COL21A1: variants seen among roughly 807,000 people sequenced by gnomAD.
The protein encoded by COL21A1 is collagen alpha-1(XXI) chain.
COL21A1 carries 149 observed loss-of-function variants against 137.9 expected under a neutral mutation model. The observed-to-expected ratio is 1.08, with a 90% CI of 0.95 to 1.24. The LOEUF is 1.24. Ranked by LOEUF, COL21A1 falls within the 50% of genes most tolerant of loss-of-function variation. The pLI, the probability that COL21A1 is intolerant of heterozygous loss-of-function variation, is 0.00. For synonymous variants in COL21A1, 456 were observed against 391.5 expected (o/e 1.16, Z -1.95); for missense variants, 1,167 against 1,158.4 (o/e 1.01, Z -0.11).
intron 1 of COL21A1, among the ~76,000 whole-genome samples, chr6:56,232,619 C>T (rs1454509700): frequency 6.6e-6 from 1 of 151,944 alleles, no homozygotes; most frequent in East Asian, 1.9e-4. Context: ...CACTGGACTT[C>T]GTTCATCCTG....
chr6:56,332,588 G>A (rs577920304), intron 1 of COL21A1, among the ~76,000 whole-genome samples: 83 of 136,816 alleles, frequency 6.1e-4, no homozygotes, highest in Middle Eastern at 7.1e-3. Flanking sequence ...TAGCCCCCCC[G>A]CCCCCGCCAA....
intron 1 of COL21A1, among the ~76,000 whole-genome samples, chr6:56,374,100 C>T (rs1425260064): frequency 6.6e-6 from 1 of 152,146 alleles, no homozygotes; most frequent in East Asian, 1.9e-4. Context: ...GTCACATGCT[C>T]ACTTCTACCC....
At chr6:56,201,053 A>T (rs1178163640) in intron 1 of COL21A1, among the ~76,000 whole-genome samples, 1 of 152,122 alleles carries the variant, frequency 6.6e-6, no homozygotes, top group East Asian at 1.9e-4. Flanking sequence ...TCTGATGGCC[A>T]GTGATGATGA....
chr6:56,331,637 G>T (rs929959149), intron 1 of COL21A1, among the ~76,000 whole-genome samples: 3 of 151,864 alleles, frequency 2.0e-5, no homozygotes, highest in Non-Finnish European at 4.4e-5. Context: ...ATTTATCTAT[G>T]TGTCTATTTT....
chr6:56,331,473 T>C (rs922733196), intron 1 of COL21A1, among the ~76,000 whole-genome samples: 2 of 152,006 alleles, frequency 1.3e-5, no homozygotes, highest in Non-Finnish European at 2.9e-5. Context: ...AAGATGGGGG[T>C]CCAGTTTCAC....
At chr6:56,217,364 T>A (rs1780551757) in intron 1 of COL21A1, among the ~76,000 whole-genome samples, 1 of 151,968 alleles carries the variant, frequency 6.6e-6, no homozygotes, top group African/African-American at 2.4e-5. Flanking sequence ...CAGAACTCCA[T>A]CCCAAATGTG....
At chr6:56,153,299 A>G (rs1187718732) in intron 10 of COL21A1, among the ~76,000 whole-genome samples, 1 of 152,128 alleles carries the variant, frequency 6.6e-6, no homozygotes, top group Non-Finnish European at 1.5e-5. Flanking sequence ...TCTGTCTCAT[A>G]TAAAGATTTA....
intron 1 of COL21A1, among the ~76,000 whole-genome samples, chr6:56,217,077 G>T (rs1319618771): frequency 6.6e-6 from 1 of 152,036 alleles, no homozygotes; most frequent in Non-Finnish European, 1.5e-5. Flanking sequence ...AAGGTGTAGA[G>T]TTTGGGTACT....
chr6:56,288,045 G>C (rs1763955398), intron 1 of COL21A1, among the ~76,000 whole-genome samples: 1 of 152,138 alleles, frequency 6.6e-6, no homozygotes, highest in Admixed American at 6.5e-5. Flanking sequence ...CCGTGAGTGA[G>C]TTCTAATCTA....
intron 1 of COL21A1, among the ~76,000 whole-genome samples, chr6:56,267,923 C>T (rs1233456899): frequency 5.3e-5 from 8 of 152,018 alleles, no homozygotes; most frequent in African/African-American, 1.7e-4. Context: ...TTGAGCAGAC[C>T]TGAGAGCACA....
At chr6:56,346,989 C>T (rs1765611402) in intron 1 of COL21A1, among the ~76,000 whole-genome samples, 1 of 152,186 alleles carries the variant, frequency 6.6e-6, no homozygotes, top group Non-Finnish European at 1.5e-5. Flanking sequence ...GAGGCCCCTG[C>T]ACTCAGCAGT....
chr6:56,307,992 G>T (rs1476185447), intron 1 of COL21A1, among the ~76,000 whole-genome samples: 1 of 152,190 alleles, frequency 6.6e-6, no homozygotes, highest in African/African-American at 2.4e-5. Flanking sequence ...ACAATGAGAT[G>T]CTGTTAATCC....
At chr6:56,244,630 C>G (rs1046188401) in intron 1 of COL21A1, among the ~76,000 whole-genome samples, 7 of 152,138 alleles carry the variant, frequency 4.6e-5, no homozygotes, top group Non-Finnish European at 1.0e-4. Context: ...GGAGGACTTA[C>G]TAAAGTGCTT....
At chr6:56,373,636 A>G (rs2093994089) in intron 1 of COL21A1, among the ~76,000 whole-genome samples, 1 of 152,196 alleles carries the variant, frequency 6.6e-6, no homozygotes, top group Non-Finnish European at 1.5e-5. Flanking sequence ...TAACTGACAT[A>G]TAAAATTGTA....
intron 1 of COL21A1, among the ~76,000 whole-genome samples, chr6:56,275,696 TG>T (rs1032989505): frequency 2.0e-4 from 30 of 150,148 alleles, no homozygotes; most frequent in African/African-American, 7.0e-4. Context: ...CCAGTCAGAA[TG>T]GCTATTATTA....
intron 12 of COL21A1, among the ~76,000 whole-genome samples, chr6:56,128,625 G>A (rs1773242697): frequency 6.6e-6 from 1 of 152,124 alleles, no homozygotes; most frequent in African/African-American, 2.4e-5. Context: ...GTCGCCACAT[G>A]AGTAAACTAT....
intron 1 of COL21A1, among the ~76,000 whole-genome samples, chr6:56,375,714 G>A (rs999820287): frequency 3.3e-5 from 5 of 152,260 alleles, no homozygotes; most frequent in African/African-American, 2.4e-5. Context: ...CACGACTGAT[G>A]CAAAATCAAA....
At chr6:56,092,202 A>G (rs1463232245) in intron 17 of COL21A1, among the ~76,000 whole-genome samples, 1 of 152,184 alleles carries the variant, frequency 6.6e-6, no homozygotes, top group Non-Finnish European at 1.5e-5. Flanking sequence ...GGGAGAACAT[A>G]TGTTTATGTT....
chr6:56,338,243 C>A (rs565869317), intron 1 of COL21A1, among the ~76,000 whole-genome samples: 2 of 152,132 alleles, frequency 1.3e-5, no homozygotes, highest in Non-Finnish European at 2.9e-5. Context: ...GGATTACAGG[C>A]GTGAGGGGTT....
Sources: allele counts gnomAD v4.1 joint callset (sites outside exome capture counted in the v4.1 genomes callset), GRCh38; gene constraint gnomAD v4.1.1; transcripts MANE v1.5; gene names NCBI Gene and HGNC (gene_info 2026-07-23, HGNC 2026-07-21).